RIMBP2: variants seen among roughly 807,000 people sequenced by gnomAD.
RIMBP2 encodes RIMS binding protein 2.
RIMBP2 carries 48 observed loss-of-function variants against 118.6 expected under a neutral mutation model. The ratio of observed to expected loss-of-function variants is 0.40; its 90% CI spans 0.32 to 0.51. The LOEUF is 0.51. Ranked by LOEUF, RIMBP2 falls within the 20% of genes least tolerant of loss-of-function variation. RIMBP2 has a pLI of 0.41. For synonymous variants in RIMBP2, 762 were observed against 742.9 expected (o/e 1.03, Z -0.42); for missense variants, 1,551 against 1,768.3 (o/e 0.88, Z 2.20).
intron 2 of RIMBP2, among the ~76,000 whole-genome samples, chr12:130,534,165 T>TAAAAA (rs35683242): frequency 2.1e-5 from 2 of 95,212 alleles, no homozygotes; most frequent in East Asian, 5.7e-4. Flanking sequence ...AACTCCATCT[T>TAAAAA]AAAAAAAAAA....
chr12:130,440,547 G>A (rs2078033579), intron 11 of RIMBP2, among the ~76,000 whole-genome samples: 1 of 152,164 alleles, frequency 6.6e-6, no homozygotes, highest in African/African-American at 2.4e-5. Flanking sequence ...AAGGCCCCGA[G>A]AGAGGTGCCC....
In RIMBP2 at chr12:130,469,464, G is replaced by T. The variant is rs940402901; in HGVS notation, c.153+1229C>A. On this transcript the variant is annotated intron_variant, in intron 6 of 22. Coordinates refer to ENST00000690449, the MANE Select transcript of RIMBP2 (RefSeq NM_001393629.1). The surrounding 1 kb of genome is among the most constrained non-coding windows in gnomAD (Gnocchi z 4.8). The stretch of plus-strand genomic sequence containing the variant: ...AGGAGACGATGCAAATTAAAGTGCG[G>T]TGGATAACTCAGGCCAGGGAAAGTG... Among the ~76,000 whole-genome samples the T allele has an allele frequency of 6.6e-6, 1 of 152,180 alleles. No individual in the cohort carries two copies. The highest frequency in any genetic ancestry group is 2.4e-5 in the African/African-American group (1 of 41,436).
At chr12:130,473,305 T>A (rs2081163907) in intron 5 of RIMBP2, among the ~76,000 whole-genome samples, 1 of 151,838 alleles carries the variant, frequency 6.6e-6, no homozygotes, top group South Asian at 2.1e-4. Flanking sequence ...TTACGGAGAG[T>A]GGTTCCTGCA....
intron 13 of RIMBP2, 88 bp downstream of exon 13, chr12:130,436,754 C>T (rs1593287509): frequency 1.8e-6 from 2 of 1,110,780 alleles, no homozygotes; most frequent in Non-Finnish European, 2.3e-6. Flanking sequence ...GGATGCGGGT[C>T]CCCCTCCATG....
Position 130,581,948 on chromosome 12 carries a change from C to T in RIMBP2, c.-217+46374G>A, listed in dbSNP as rs932977231. Among the ~76,000 whole-genome samples the T allele has an allele frequency of 1.3e-5, 2 of 152,070 alleles. No homozygotes were observed. The highest frequency in any genetic ancestry group is 4.8e-5 in the African/African-American group (2 of 41,408). ...GCCTCTCCTCCCTCCCTGGCTCAGTCACTCTCACTTCACCACCACCACCAC... is the reference window on the plus strand; with the variant it reads ...GCCTCTCCTCCCTCCCTGGCTCAGTTACTCTCACTTCACCACCACCACCAC... On this transcript the variant is annotated intron_variant, in intron 2 of 22. Coordinates refer to ENST00000690449, the MANE Select transcript of RIMBP2 (RefSeq NM_001393629.1). This position sits in a 1 kb window ranked among gnomAD's most constrained non-coding sequence, Gnocchi z 4.4.
At chr12:130,649,654 G>C in intron 1 of RIMBP2, among the ~76,000 whole-genome samples, 1 of 152,148 alleles carries the variant, frequency 6.6e-6, no homozygotes, top group Non-Finnish European at 1.5e-5. Flanking sequence ...CCCATGCTAG[G>C]AGGACCAACT....
intron 2 of RIMBP2, among the ~76,000 whole-genome samples, chr12:130,524,139 G>A (rs2052493202): frequency 6.6e-6 from 1 of 152,204 alleles, no homozygotes; most frequent in African/African-American, 2.4e-5. Context: ...CCTGAGTAGG[G>A]CAGGATTTGG....
chr12:130,437,608 G>C (rs756243211), intron 12 of RIMBP2, among the ~76,000 whole-genome samples: 13 of 152,212 alleles, frequency 8.5e-5, no homozygotes, highest in African/African-American at 1.2e-4. Flanking sequence ...GTGAGTGTCA[G>C]GTTTATTACC....
chr12:130,545,610 T>A (rs2055050446), intron 2 of RIMBP2, among the ~76,000 whole-genome samples: 1 of 152,178 alleles, frequency 6.6e-6, no homozygotes, highest in Admixed American at 6.5e-5. Context: ...ACATTGTATT[T>A]CTATCAGGTG....
intron 7 of RIMBP2, among the ~76,000 whole-genome samples, chr12:130,453,721 T>C (rs1435325661): frequency 6.6e-6 from 1 of 152,208 alleles, no homozygotes; most frequent in Admixed American, 6.5e-5. Flanking sequence ...ATGAATACTC[T>C]TTGGGGATCT....
At chr12:130,410,448 T>C (rs2075625048) in intron 19 of RIMBP2, among the ~76,000 whole-genome samples, 1 of 152,190 alleles carries the variant, frequency 6.6e-6, no homozygotes, top group Non-Finnish European at 1.5e-5. Context: ...TGCCTGATTA[T>C]TATAAAGTTT....
chr12:130,410,702 C>T (rs1489818879), intron 19 of RIMBP2, among the ~76,000 whole-genome samples: 1 of 152,174 alleles, frequency 6.6e-6, no homozygotes, highest in African/African-American at 2.4e-5. Flanking sequence ...CTTCATTCTG[C>T]CCCATTAATC....
chr12:130,448,923 C>T (rs900219809), intron 9 of RIMBP2, among the ~76,000 whole-genome samples: 1 of 152,252 alleles, frequency 6.6e-6, no homozygotes, highest in African/African-American at 2.4e-5. Flanking sequence ...TTAGAAACAG[C>T]TCTTGCTGGA....
At chr12:130,712,666 G>A (rs1950004945) in intron 1 of RIMBP2, among the ~76,000 whole-genome samples, 1 of 152,164 alleles carries the variant, frequency 6.6e-6, no homozygotes, top group Non-Finnish European at 1.5e-5. Flanking sequence ...CTAAAATCAT[G>A]ATAAAAGTTA....
chr12:130,657,704 GGGCA>G, intron 1 of RIMBP2: 1 of 116,868 alleles, frequency 8.6e-6, no homozygotes, highest in East Asian at 2.7e-4. Context: ...CAGCTGCGGG[GGGCA>G]GTGAGGGCGG....
At position 130,684,837 on chromosome 12, in the gene RIMBP2, C is replaced by T. The variant is rs368801043; in HGVS notation, c.-352+31385G>A. On this transcript the variant is annotated intron_variant, in intron 1 of 22. Coordinates refer to ENST00000690449, the MANE Select transcript of RIMBP2 (RefSeq NM_001393629.1). ...GTGGACACCTTCCTTCTCTTACTTT[C>T]GGGACTGCCCTGCTCCGTCTATGGA... is the stretch of plus-strand genomic sequence containing the variant. Among the ~76,000 whole-genome samples, 5 of 152,288 alleles carry T rather than the reference C, an allele frequency of 3.3e-5. No individual in the cohort carries two copies. In the East Asian group the frequency reaches 5.8e-4, roughly 18 times the overall value.
chr12:130,406,645 G>C (rs1308100280), intron 20 of RIMBP2, among the ~76,000 whole-genome samples: 5 of 152,140 alleles, frequency 3.3e-5, no homozygotes, highest in Non-Finnish European at 7.3e-5. Flanking sequence ...AATTATTAAT[G>C]AAACATCTAT....
chr12:130,415,780 G>T (rs1397108438), intron 17 of RIMBP2, among the ~76,000 whole-genome samples: 1 of 152,176 alleles, frequency 6.6e-6, no homozygotes, highest in East Asian at 1.9e-4. Context: ...CTTCACTGAT[G>T]ATATGATTCT....
Position 130,396,472 on chromosome 12 carries a change from A to AAGAT in RIMBP2, c.*885_*888dup. 1 of 152,780 alleles carries AAGAT rather than the reference A, an allele frequency of 6.5e-6. No homozygotes were observed. Among genetic ancestry groups the AAGAT allele is most frequent in the East Asian group, 1.9e-4 (1 of 5,188 alleles). The allele number at this position is 152,780 out of a possible 1,614,324, so 9.5% of individuals were successfully genotyped here. On this transcript the variant is annotated 3_prime_UTR_variant, in exon 23 of 23. Coordinates refer to ENST00000690449, the MANE Select transcript of RIMBP2 (RefSeq NM_001393629.1). ...GTCTTTTGTTCAAATGCCAATGATG[A>AAGAT]AGATGGGTATGGACTCATTTGGAGC... is the stretch of plus-strand genomic sequence containing the variant.
Sources: gnomAD v4.1 joint callset for allele counts (sites outside exome capture counted in the v4.1 genomes callset) on GRCh38, gnomAD v4.1.1 for gene constraint, Gnocchi (gnomAD v3.1) non-coding constraint, MANE v1.5 for transcripts, NCBI Gene and HGNC (gene_info 2026-07-23, HGNC 2026-07-21) for gene names.